IL1RAPL1: variants seen among roughly 807,000 people sequenced by gnomAD.
IL1RAPL1 encodes interleukin 1 receptor accessory protein like 1.
Under a neutral mutation model 48.4 loss-of-function variants are expected in IL1RAPL1, and 3 were observed. That is an observed-to-expected ratio of 0.06 (90% CI 0.03 to 0.16). The LOEUF is 0.16. Among genes scored for constraint, IL1RAPL1 ranks in the 10% least tolerant of loss-of-function variants. The pLI is 1.00. For missense variants in IL1RAPL1, 349 were observed against 530.6 expected, an observed-to-expected ratio of 0.66 and a Z score of 3.36; for synonymous variants, 185 against 187.7, an observed-to-expected ratio of 0.99 and a Z score of 0.12.
intron 6 of IL1RAPL1, among the ~76,000 whole-genome samples, chrX:29,821,495 A>G (rs1930619441): frequency 1.8e-5 from 2 of 111,414 alleles, no homozygotes. Context: ...ACAACAACAA[A>G]AAGGAAACAG....
rs1233546612 is a variant in IL1RAPL1, at chrX:29,829,833, G to A, written c.779-87631G>A. Among the ~76,000 whole-genome samples the A allele has an allele frequency of 3.6e-5, 4 of 111,771 alleles. No homozygotes were observed. The Admixed American group carries it at 3.8e-4, about 11-fold the overall frequency. ...TCTGAGAATAACATACCTTGCTATA[G>A]TTTCCAAACACTTTTCATAGAGGAT... On this transcript the variant is annotated intron_variant, in intron 6 of 10. Coordinates refer to ENST00000378993, the MANE Select transcript of IL1RAPL1 (RefSeq NM_014271.4).
intron 5 of IL1RAPL1, among the ~76,000 whole-genome samples, chrX:29,607,970 T>G (rs1923947875): frequency 8.9e-6 from 1 of 112,354 alleles, no homozygotes; most frequent in Non-Finnish European, 1.9e-5. Context: ...TATGTTTCAA[T>G]TATCTATTGT....
chrX:29,414,591 C>T (rs1934190715), intron 5 of IL1RAPL1, among the ~76,000 whole-genome samples: 1 of 110,813 alleles, frequency 9.0e-6, no homozygotes, highest in Non-Finnish European at 1.9e-5. Flanking sequence ...CATGGTGGTG[C>T]ATGTCTGTAG....
chrX:29,728,873 A>G (rs1377147604), intron 6 of IL1RAPL1, among the ~76,000 whole-genome samples: 1 of 111,758 alleles, frequency 8.9e-6, no homozygotes, highest in East Asian at 2.8e-4. Context: ...TCACATGCCT[A>G]TACCTCAGCT....
chrX:29,547,544 G>C (rs759247931), intron 5 of IL1RAPL1, among the ~76,000 whole-genome samples: 4 of 111,575 alleles, frequency 3.6e-5, no homozygotes, highest in Non-Finnish European at 7.6e-5. Context: ...TTAAGCTCTT[G>C]GGAAATATTT....
chrX:29,129,039 C>CTTTTT (rs62772160), intron 2 of IL1RAPL1, among the ~76,000 whole-genome samples: 7 of 62,355 alleles, frequency 1.1e-4, no homozygotes, highest in African/African-American at 1.9e-4. Context: ...TACCTAGAAT[C>CTTTTT]TTTTTTTTTT....
intron 1 of IL1RAPL1, among the ~76,000 whole-genome samples, chrX:28,721,778 G>A (rs1248130894): frequency 9.0e-6 from 1 of 110,920 alleles, no homozygotes; most frequent in Non-Finnish European, 1.9e-5. Flanking sequence ...TGTATAAGGT[G>A]TAAGGAAGGG....
At chrX:29,527,470 T>C (rs1035141766) in intron 5 of IL1RAPL1, among the ~76,000 whole-genome samples, 15 of 105,780 alleles carry the variant, frequency 1.4e-4, no homozygotes, top group South Asian at 1.3e-3. Context: ...CTCAAGTAGC[T>C]GGGATTACAG....
At chrX:29,650,078 A>G (rs1169422305) in intron 5 of IL1RAPL1, among the ~76,000 whole-genome samples, 3 of 111,995 alleles carry the variant, frequency 2.7e-5, no homozygotes. Flanking sequence ...TCTACACTGA[A>G]AACTGTAGCC....
intron 5 of IL1RAPL1, among the ~76,000 whole-genome samples, chrX:29,564,903 G>A (rs1044906382): frequency 8.9e-6 from 1 of 112,227 alleles, no homozygotes; most frequent in Non-Finnish European, 1.9e-5. Flanking sequence ...GGAGGCTGCA[G>A]GAAACACGTT....
chrX:29,181,482 T>G (rs1250103289), intron 2 of IL1RAPL1, among the ~76,000 whole-genome samples: 2 of 112,000 alleles, frequency 1.8e-5, no homozygotes, highest in Non-Finnish European at 3.8e-5. Context: ...ACCTCTTCCT[T>G]GTACTTTGAA....
intron 6 of IL1RAPL1, among the ~76,000 whole-genome samples, chrX:29,862,949 GAA>G (rs1441916505): frequency 1.2e-5 from 1 of 84,516 alleles, no homozygotes; most frequent in Non-Finnish European, 2.2e-5. Context: ...ACCGGATACC[GAA>G]AAGAGTCTTG....
At chrX:28,985,709 G>C (rs151298598) in intron 2 of IL1RAPL1, among the ~76,000 whole-genome samples, 1 of 103,228 alleles carries the variant, frequency 9.7e-6, no homozygotes, top group African/African-American at 3.6e-5. Flanking sequence ...GCCCAGGCTG[G>C]AGTGCATTGG....
intron 2 of IL1RAPL1, among the ~76,000 whole-genome samples, chrX:28,930,869 C>T (rs918925265): frequency 9.0e-6 from 1 of 110,806 alleles, no homozygotes; most frequent in Non-Finnish European, 1.9e-5. Context: ...TCTCGATCTA[C>T]TGACCTCGTG....
intron 6 of IL1RAPL1, among the ~76,000 whole-genome samples, chrX:29,727,682 C>A (rs978457677): frequency 1.7e-4 from 19 of 111,373 alleles, no homozygotes; most frequent in Non-Finnish European, 3.0e-4. Context: ...CTCCCTCATG[C>A]GCTCATCTGA....
intron 2 of IL1RAPL1, among the ~76,000 whole-genome samples, chrX:29,008,721 TG>T (rs1926049973): frequency 9.0e-6 from 1 of 111,258 alleles, no homozygotes; most frequent in Admixed American, 9.5e-5. Context: ...GTTTTTTACC[TG>T]GGTATATTGT....
intron 3 of IL1RAPL1, among the ~76,000 whole-genome samples, chrX:29,344,149 C>T (rs1933119234): frequency 8.9e-6 from 1 of 112,092 alleles, no homozygotes; most frequent in Non-Finnish European, 1.9e-5. Context: ...TGTAAATCTC[C>T]TCAGAAAATT....
At chrX:29,273,190 T>C in intron 2 of IL1RAPL1, among the ~76,000 whole-genome samples, 1 of 112,393 alleles carries the variant, frequency 8.9e-6, no homozygotes, top group South Asian at 3.7e-4. Flanking sequence ...CACAGTTGTT[T>C]GGAGGTAAGA....
intron 5 of IL1RAPL1, among the ~76,000 whole-genome samples, chrX:29,644,591 C>T (rs141535415): frequency 0.01 from 1,131 of 109,158 alleles, 12 homozygotes; most frequent in African/African-American, 0.035. Context: ...TTTTGAGACA[C>T]GTGCTCACTC....
Sources: gnomAD v4.1 joint callset for allele counts (sites outside exome capture counted in the v4.1 genomes callset) on GRCh38, gnomAD v4.1.1 for gene constraint, MANE v1.5 for transcripts, NCBI Gene and HGNC (gene_info 2026-07-23, HGNC 2026-07-21) for gene names.